SGCZ: variants seen among roughly 807,000 people sequenced by gnomAD.
The protein encoded by SGCZ is zeta-sarcoglycan.
Under a neutral mutation model 41.3 loss-of-function variants are expected in SGCZ, and 40 were observed. The observed-to-expected ratio is 0.97, with a 90% CI of 0.75 to 1.26. The LOEUF (loss-of-function observed/expected upper bound fraction) is 1.26, where lower values mean the gene tolerates loss of function less well. Among genes scored for constraint, SGCZ ranks in the 50% most tolerant of loss-of-function variants. The probability of loss-of-function intolerance (pLI) is 0.00; values close to 1 mark genes in which losing one functional copy is unlikely to be tolerated. For missense variants in SGCZ, 552 were observed against 369.8 expected (o/e 1.49, Z -4.04); for synonymous variants, 206 against 137.5 (o/e 1.50, Z -3.49).
intron 1 of SGCZ, among the ~76,000 whole-genome samples, chr8:14,760,917 T>C (rs1799850765): frequency 6.6e-6 from 1 of 152,190 alleles, no homozygotes; most frequent in Non-Finnish European, 1.5e-5. Context: ...GGCAAAGGTC[T>C]CAGAAGCTCA....
intron 2 of SGCZ, among the ~76,000 whole-genome samples, chr8:14,481,321 A>C (rs933295828): frequency 6.6e-6 from 1 of 152,202 alleles, no homozygotes; most frequent in African/African-American, 2.4e-5. Flanking sequence ...AGAACAAAGG[A>C]GACTCATACA....
At chr8:15,014,963 C>T (rs531346789) in intron 1 of SGCZ, among the ~76,000 whole-genome samples, 6 of 152,144 alleles carry the variant, frequency 3.9e-5, no homozygotes, top group East Asian at 3.9e-4. Flanking sequence ...TGAAAAAAGG[C>T]GACCAGCATG....
In SGCZ at chr8:14,175,827, T is replaced by C. The variant is rs1585202533; in HGVS notation, c.425-11125A>G. ...AAACCAAATCCAATCATTGGTAGTT[T>C]ATATCACACAAGACTAAAACATAAA... is the stretch of plus-strand genomic sequence containing the variant. On this transcript the variant is annotated intron_variant, in intron 4 of 7. Coordinates refer to ENST00000382080, the MANE Select transcript of SGCZ (RefSeq NM_139167.4). 3.3e-5 allele frequency among the ~76,000 whole-genome samples: 5 copies of C among 152,234 alleles called. No homozygotes were observed. In the South Asian group the frequency reaches 1.0e-3, roughly 32 times the overall value.
At chr8:14,542,860 T>C (rs1477254571) in intron 2 of SGCZ, among the ~76,000 whole-genome samples, 2 of 152,110 alleles carry the variant, frequency 1.3e-5, no homozygotes, top group African/African-American at 4.8e-5. Flanking sequence ...GCTATTTACG[T>C]TTAATCATCA....
chr8:15,068,174 G>A (rs1418351867), intron 1 of SGCZ, among the ~76,000 whole-genome samples: 1 of 152,174 alleles, frequency 6.6e-6, no homozygotes. Context: ...AAAATAAGGA[G>A]TAGAGGATTA....
At chr8:15,204,361 A>G (rs1563182446) in intron 1 of SGCZ, among the ~76,000 whole-genome samples, 1 of 152,216 alleles carries the variant, frequency 6.6e-6, no homozygotes, top group Non-Finnish European at 1.5e-5. Context: ...GAAAGACATG[A>G]ATTAAAGGTA....
intron 2 of SGCZ, among the ~76,000 whole-genome samples, chr8:14,436,619 C>A (rs928161116): frequency 1.3e-5 from 2 of 152,186 alleles, no homozygotes; most frequent in Non-Finnish European, 2.9e-5. Flanking sequence ...GTCCTAGTAG[C>A]CATTACATTC....
At chr8:14,548,255 A>G (rs1803692853) in intron 2 of SGCZ, among the ~76,000 whole-genome samples, 1 of 152,140 alleles carries the variant, frequency 6.6e-6, no homozygotes, top group South Asian at 2.1e-4. Context: ...CAGGGTTCAT[A>G]CTTTGAACCA....
At chr8:15,207,256 C>G (rs2054058) in intron 1 of SGCZ, among the ~76,000 whole-genome samples, 1 of 152,074 alleles carries the variant, frequency 6.6e-6, no homozygotes, top group Non-Finnish European at 1.5e-5. Context: ...AATTAGAAAA[C>G]TGGACCTTTG....
intron 2 of SGCZ, among the ~76,000 whole-genome samples, chr8:14,429,250 G>C (rs1799876078): frequency 6.6e-6 from 1 of 152,304 alleles, no homozygotes; most frequent in Non-Finnish European, 1.5e-5. Flanking sequence ...CTGTTAAAAG[G>C]AATTGACAAT....
chr8:14,133,060 T>C lies in SGCZ; in HGVS notation c.548-24825A>G, dbSNP rs188933635. ...AAAATGAATAAAAAAACCACGTTTC[T>C]CAGTTATTGCAGATTGGCTCTGTAT... On this transcript the variant is annotated intron_variant, in intron 5 of 7. Coordinates refer to ENST00000382080, the MANE Select transcript of SGCZ (RefSeq NM_139167.4). Among the ~76,000 whole-genome samples the C allele has an allele frequency of 3.4e-4, 51 of 152,232 alleles. No homozygotes were observed. The South Asian group carries it at 9.5e-3, about 28-fold the overall frequency.
intron 4 of SGCZ, among the ~76,000 whole-genome samples, chr8:14,187,456 T>C (rs1804942772): frequency 1.3e-5 from 2 of 152,264 alleles, no homozygotes; most frequent in South Asian, 4.1e-4. Context: ...AAGACAACTA[T>C]TTTGAAGAAT....
intron 1 of SGCZ, among the ~76,000 whole-genome samples, chr8:14,714,677 G>A (rs1649170057): frequency 6.6e-6 from 1 of 151,428 alleles, no homozygotes; most frequent in African/African-American, 2.4e-5. Context: ...AGAGAAAACT[G>A]ATCAAAAGAT....
chr8:14,233,569 T>C (rs933585991), intron 4 of SGCZ, among the ~76,000 whole-genome samples: 4 of 145,452 alleles, frequency 2.8e-5, no homozygotes, highest in South Asian at 2.2e-4. Flanking sequence ...TATACTACCA[T>C]AAAGATTTTT....
chr8:14,705,074 G>A (rs1208913012), intron 1 of SGCZ, among the ~76,000 whole-genome samples: 2 of 151,900 alleles, frequency 1.3e-5, no homozygotes, highest in Non-Finnish European at 2.9e-5. Context: ...CTTTTTTCCA[G>A]TTCTAAAGTT....
intron 4 of SGCZ, among the ~76,000 whole-genome samples, chr8:14,168,592 A>G (rs1033841580): frequency 5.9e-5 from 9 of 152,160 alleles, no homozygotes; most frequent in Non-Finnish European, 1.0e-4. Flanking sequence ...CCTTGCCTGC[A>G]GCCATGACTG....
intron 7 of SGCZ, among the ~76,000 whole-genome samples, chr8:14,101,294 A>T (rs982565176): frequency 8.3e-6 from 1 of 120,570 alleles, no homozygotes; most frequent in African/African-American, 2.5e-5. Context: ...AGGAGAGGGT[A>T]AGAGATGTGG....
chr8:14,951,499 T>C (rs1800636802), intron 1 of SGCZ, among the ~76,000 whole-genome samples: 1 of 152,018 alleles, frequency 6.6e-6, no homozygotes, highest in East Asian at 1.9e-4. Context: ...AATAAATGTA[T>C]TCACCACAAA....
chr8:14,606,117 G>A (rs1425493909), intron 1 of SGCZ, among the ~76,000 whole-genome samples: 3 of 151,340 alleles, frequency 2.0e-5, no homozygotes, highest in South Asian at 4.2e-4. Context: ...TATTACCACC[G>A]AGGAACAATG....
Sources: allele counts gnomAD v4.1 joint callset (sites outside exome capture counted in the v4.1 genomes callset), GRCh38; gene constraint gnomAD v4.1.1; transcripts MANE v1.5; gene names NCBI Gene and HGNC (gene_info 2026-07-23, HGNC 2026-07-21).